Variants in IFNW1 observed in about 807,000 individuals in gnomAD.
IFNW1 encodes interferon omega 1, also known as interferon omega-1.
For synonymous variants in IFNW1, 105 were observed against 88.0 expected, an observed-to-expected ratio of 1.19 and a Z score of -1.08; for missense variants, 293 against 227.7, an observed-to-expected ratio of 1.29 and a Z score of -1.84.
At position 21,141,608 on chromosome 9, in the gene IFNW1, A is replaced by G. The variant is rs766038866; in HGVS notation, c.-38T>C. Reference sequence around the variant, plus strand: ...ATGCTCCTGGCTTTACTGAGCTGGGATATGGCTTAACCTTGGACCCTAGGT... The same window carrying G: ...ATGCTCCTGGCTTTACTGAGCTGGGGTATGGCTTAACCTTGGACCCTAGGT... On this transcript the variant is annotated 5_prime_UTR_variant, in exon 1 of 1. Transcript: ENST00000380229. 3 of 1,431,770 alleles carry G rather than the reference A, an allele frequency of 2.1e-6. No individual in the cohort carries two copies. The African/African-American group carries it at 4.3e-5, about 20-fold the overall frequency. The allele number at this position is 1,431,770 out of a possible 1,614,324, so 88.7% of individuals were successfully genotyped here.
Position 21,140,904 on chromosome 9 carries a change from A to T in IFNW1, c.*79T>A, listed in dbSNP as rs370302934. ...CTAATTCAGTCAATTCTGTGATTAA[A>T]GCCGAAATAAGAGTCTTTTGAATTG... On this transcript the variant is annotated 3_prime_UTR_variant, in exon 1 of 1. Transcript: ENST00000380229. The T allele has an allele frequency of 7.0e-6, 7 of 995,544 alleles. No homozygotes were observed. The highest frequency in any genetic ancestry group is 1.6e-5 in the African/African-American group (1 of 61,666). 61.7% of individuals were successfully genotyped at this position (995,544 alleles called of 1,614,324 possible). A position where few individuals can be genotyped will look rare whatever the true frequency, so the allele number is the denominator to read the frequency against.
rs370216760 is a variant in IFNW1 at position 21,141,185 on chromosome 9, T to C, written c.386A>G (p.Glu129Gly). The change falls in exon 1 of 1, where the codon GAA (glutamate) becomes GGA (glycine). Residue 129 changes from glutamate (E) to glycine (G), a missense_variant. Glu to Gly is a moderately conservative substitution (Grantham distance 98). Coordinates refer to ENST00000380229, the MANE Select transcript of IFNW1 (RefSeq NM_002177.3). Reference protein sequence around the residue: ...LETCLLQVVGEGESAGAISSP... With the variant: ...LETCLLQVVGGGESAGAISSP... ...GCTAATTGCCCCAGCAGATTCTCCT[T>C]CTCCCACTACCTGCAGCAAGCAGGT... 1.5e-5 allele frequency: 25 copies of C among 1,614,056 alleles called. No individual in the cohort carries two copies. The highest frequency in any genetic ancestry group is 3.3e-4 in the Middle Eastern group (2 of 6,084).
rs1224580442 is a variant in IFNW1, at chr9:21,141,063, C to T, written c.508G>A (p.Glu170Lys). The T allele has an allele frequency of 3.7e-6, 6 of 1,614,072 alleles. No homozygotes were observed. Among genetic ancestry groups the T allele is most frequent in the Non-Finnish European group, 5.1e-6 (6 of 1,180,026 alleles). Residue 170 changes from glutamate to lysine, a missense_variant, in exon 1 of 1, where the codon GAA becomes AAA. Coordinates refer to ENST00000380229, the MANE Select transcript of IFNW1 (RefSeq NM_002177.3). ...GATAAGAACAAGGATTTCATGATTT[C>T]CATTCTGACAACTTCCCAGGCACAG... The part of the protein sequence containing the change: ...SDCAWEVVRM[E>K]IMKSLFLSTN...
Position 21,141,583 on chromosome 9 carries a change from A to G in IFNW1, c.-13T>C, listed in dbSNP as rs1284389424. 1.9e-6 allele frequency: 3 copies of G among 1,544,122 alleles called. No homozygotes were observed. The highest frequency in any genetic ancestry group is 2.6e-6 in the Non-Finnish European group (3 of 1,142,110). On this transcript the variant is annotated 5_prime_UTR_variant, in exon 1 of 1. Transcript: ENST00000380229. ...ACAGGAGGGCCATTGGGAAATGAGG[A>G]TGCTCCTGGCTTTACTGAGCTGGGA...
chr9:21,140,856 A>G lies in IFNW1; in HGVS notation c.*127T>C. The G allele has an allele frequency of 1.5e-6, 1 of 664,986 alleles. No individual in the cohort carries two copies. Among genetic ancestry groups the G allele is most frequent in the Non-Finnish European group, 2.6e-6 (1 of 390,338 alleles). The allele number at this position is 664,986 out of a possible 1,614,324, so 41.2% of individuals were successfully genotyped here. On this transcript the variant is annotated 3_prime_UTR_variant, in exon 1 of 1. Transcript: ENST00000380229. ...TCTTTTTAACATATACTGGCTTAAT[A>G]TACCGACAAAGTATTTGCAGAACTA... is the stretch of plus-strand genomic sequence containing the variant.
rs1344429900 is a variant in IFNW1 at position 21,140,716 on chromosome 9, A to T, written c.*267T>A. On this transcript the variant is annotated 3_prime_UTR_variant, in exon 1 of 1. Transcript: ENST00000380229. Reference sequence around the variant, plus strand: ...ATGTTTTGTTATCTTAATACAATGTAAAGGCAAACATTTGTTATATAAGAA... The same window carrying T: ...ATGTTTTGTTATCTTAATACAATGTTAAGGCAAACATTTGTTATATAAGAA... 8.8e-6 allele frequency: 2 copies of T among 226,016 alleles called. No individual in the cohort carries two copies. The highest frequency in any genetic ancestry group is 1.7e-5 in the Non-Finnish European group (2 of 118,094). 14.0% of individuals were successfully genotyped at this position (226,016 alleles called of 1,614,324 possible).
At position 21,141,137 on chromosome 9, in the gene IFNW1, C is replaced by T. The variant is rs1819392098; in HGVS notation, c.434G>A (p.Arg145Lys). ...GTAGACACGGATTCCCTGGAAGTAC[C>T]TCCTCAAGGTCAGTGCAGGGCTGCT... ...AISSPALTLR[R>K]YFQGIRVYLK... The change falls in exon 1 of 1, where the codon AGG (arginine) becomes AAG (lysine). Residue 145 changes from arginine (R) to lysine (K), a missense_variant. By Grantham distance (26) the Arg-to-Lys change is conservative (BLOSUM62 2). Transcript: ENST00000380229. 2 of 1,614,056 alleles carry T rather than the reference C, an allele frequency of 1.2e-6. No homozygotes were observed. The highest frequency in any genetic ancestry group is 2.7e-5 in the African/African-American group (2 of 74,924).
At position 21,140,977 on chromosome 9, in the gene IFNW1, A is replaced by T; in HGVS notation, c.*6T>A. 1 of 1,584,898 alleles carries T rather than the reference A, an allele frequency of 6.3e-7. No individual in the cohort carries two copies. The highest frequency in any genetic ancestry group is 8.6e-7 in the Non-Finnish European group (1 of 1,159,566). On this transcript the variant is annotated 3_prime_UTR_variant, in exon 1 of 1. Coordinates refer to ENST00000380229, the MANE Select transcript of IFNW1 (RefSeq NM_002177.3). ...TTATATGGCAAATTAATCAATGAGA[A>T]TCATTTCAAGATGAGCCCAGGTCTC...
Position 21,141,590 on chromosome 9 carries a change from T to C in IFNW1, c.-20A>G, listed in dbSNP as rs1819402468. 1.3e-6 allele frequency: 2 copies of C among 1,511,208 alleles called. No individual in the cohort carries two copies. The highest frequency in any genetic ancestry group is 1.8e-6 in the Non-Finnish European group (2 of 1,117,258). The allele number at this position is 1,511,208 out of a possible 1,614,324, so 93.6% of individuals were successfully genotyped here. A position where few individuals can be genotyped will look rare whatever the true frequency, so the allele number is the denominator to read the frequency against. Reference sequence around the variant, plus strand: ...GGCCATTGGGAAATGAGGATGCTCCTGGCTTTACTGAGCTGGGATATGGCT... The same window carrying C: ...GGCCATTGGGAAATGAGGATGCTCCCGGCTTTACTGAGCTGGGATATGGCT... On this transcript the variant is annotated 5_prime_UTR_variant, in exon 1 of 1. Transcript: ENST00000380229.
chr9:21,141,828 C>A lies in IFNW1; in HGVS notation c.-258G>T. On this transcript the variant is annotated 5_prime_UTR_variant, in exon 1 of 1. Transcript: ENST00000380229. ...AAACTCCAGTAAACTTCAGCTGTGT[C>A]AATACAAATGAATGCTTAATCAAAT... 25 of 260,692 alleles carry A rather than the reference C, an allele frequency of 9.6e-5. No individual in the cohort carries two copies. The highest frequency in any genetic ancestry group is 1.3e-3 in the Middle Eastern group (1 of 784). The allele number at this position is 260,692 out of a possible 1,614,324, so 16.1% of individuals were successfully genotyped here.
At chr9:21,141,523 A>C in the IFNW1 span, 1 of 1,610,214 alleles carries the variant, frequency 6.2e-7, no homozygotes, top group Non-Finnish European at 8.5e-7. Context: ...CAACAGGGCT[A>C]TAGCTGGTCA....
rs1819402051 is a variant in IFNW1, at chr9:21,141,578, T to C, written c.-8A>G. ...AGGGAACAGGAGGGCCATTGGGAAA[T>C]GAGGATGCTCCTGGCTTTACTGAGC... is the stretch of plus-strand genomic sequence containing the variant. On this transcript the variant is annotated 5_prime_UTR_variant, in exon 1 of 1. Transcript: ENST00000380229. The C allele has an allele frequency of 6.4e-7, 1 of 1,551,634 alleles. No homozygotes were observed. The highest frequency in any genetic ancestry group is 1.2e-5 in the South Asian group (1 of 81,334).
At chr9:21,141,048 AG>A in the IFNW1 span, 1 of 1,614,224 alleles carries the variant, frequency 6.2e-7, no homozygotes, top group Non-Finnish European at 8.5e-7. Context: ...GATAAGAACA[AG>A]GATTTCATGA....
rs1329969709 is a variant in IFNW1 at position 21,141,669 on chromosome 9, T to C, written c.-99A>G. On this transcript the variant is annotated 5_prime_UTR_variant, in exon 1 of 1. Transcript: ENST00000380229. ...CATTGCTTGTATGCATGGCTTTTAATAGGAAACACATGGTTTTCATTTTCT... is the reference window on the plus strand; with the variant it reads ...CATTGCTTGTATGCATGGCTTTTAACAGGAAACACATGGTTTTCATTTTCT... The C allele has an allele frequency of 6.2e-5, 43 of 692,878 alleles. No homozygotes were observed. The South Asian group carries it at 9.1e-4, about 15-fold the overall frequency. The allele number at this position is 692,878 out of a possible 1,614,324, so 42.9% of individuals were successfully genotyped here.
rs753421379 is a variant in IFNW1 at position 21,140,777 on chromosome 9, A to C, written c.*206T>G. Reference sequence around the variant, plus strand: ...ATAAATATGATAAAATGTAAGAATAAATAAATGAGTAAAAATAAATAACAT... The same window carrying C: ...ATAAATATGATAAAATGTAAGAATACATAAATGAGTAAAAATAAATAACAT... On this transcript the variant is annotated 3_prime_UTR_variant, in exon 1 of 1. Coordinates refer to ENST00000380229, the MANE Select transcript of IFNW1 (RefSeq NM_002177.3). The C allele has an allele frequency of 4.7e-6, 2 of 424,908 alleles. No individual in the cohort carries two copies. Among genetic ancestry groups the C allele is most frequent in the Non-Finnish European group, 8.3e-6 (2 of 240,990 alleles). The allele number at this position is 424,908 out of a possible 1,614,324, so 26.3% of individuals were successfully genotyped here. A position where few individuals can be genotyped will look rare whatever the true frequency, so the allele number is the denominator to read the frequency against.
rs1819386490 is a variant in IFNW1 at position 21,140,817 on chromosome 9, C to T, written c.*166G>A. The T allele has an allele frequency of 1.9e-6, 1 of 536,162 alleles. No individual in the cohort carries two copies. The highest frequency in any genetic ancestry group is 3.3e-6 in the Non-Finnish European group (1 of 304,306). 33.2% of individuals were successfully genotyped at this position (536,162 alleles called of 1,614,324 possible). Reference sequence around the variant, plus strand: ...ATAAATAACATCTTAGGGACTGATGCCCCTGAACCTAAGTCTTTTTAACAT... The same window carrying T: ...ATAAATAACATCTTAGGGACTGATGTCCCTGAACCTAAGTCTTTTTAACAT... On this transcript the variant is annotated 3_prime_UTR_variant, in exon 1 of 1. Transcript: ENST00000380229.
In IFNW1 at chr9:21,141,512, C is replaced by A; in HGVS notation, c.59G>T (p.Gly20Val). The change falls in exon 1 of 1, where the codon GGA (glycine) becomes GTA (valine). Residue 20 changes from glycine to valine, a missense_variant. Coordinates refer to ENST00000380229, the MANE Select transcript of IFNW1 (RefSeq NM_002177.3). ...CTGAGGCAGATCACAGCCCAGAGAT[C>A]CAACAGGGCTATAGCTGGTCATCAC... ...ALVMTSYSPV[G>V]SLGCDLPQNH... The A allele has an allele frequency of 6.2e-7, 1 of 1,612,696 alleles. No homozygotes were observed. Among genetic ancestry groups the A allele is most frequent in the Non-Finnish European group, 8.5e-7 (1 of 1,179,290 alleles).
chr9:21,141,210 T>C lies in IFNW1; in HGVS notation c.361A>G (p.Thr121Ala), dbSNP rs1202585234. The C allele has an allele frequency of 1.2e-6, 2 of 1,614,072 alleles. No homozygotes were observed. The highest frequency in any genetic ancestry group is 2.2e-5 in the South Asian group (2 of 91,074). ...GLHQQLQHLE[T>A]CLLQVVGEGE... ...TCTCCCACTACCTGCAGCAAGCAGG[T>C]CTCCAGGTGTTGCAGTTGCTGATGA... Residue 121 changes from threonine to alanine, a missense_variant, in exon 1 of 1, where the codon ACC becomes GCC. Coordinates refer to ENST00000380229, the MANE Select transcript of IFNW1 (RefSeq NM_002177.3).
In IFNW1 at chr9:21,141,041, A is replaced by G; in HGVS notation, c.530T>C (p.Leu177Ser). 6.2e-7 allele frequency: 1 copy of G among 1,614,152 alleles called. No individual in the cohort carries two copies. Among genetic ancestry groups the G allele is most frequent in the Non-Finnish European group, 8.5e-7 (1 of 1,179,986 alleles). Residue 177 changes from leucine to serine, a missense_variant, in exon 1 of 1, where the codon TTA becomes TCA. Coordinates refer to ENST00000380229, the MANE Select transcript of IFNW1 (RefSeq NM_002177.3). ...VRMEIMKSLF[L>S]STNMQERLRS... ...CAGTCTTTCTTGCATGTTTGTTGAT[A>G]AGAACAAGGATTTCATGATTTCCAT...
Sources: gnomAD v4.1 joint callset for allele counts on GRCh38, gnomAD v4.1.1 for gene constraint, MANE v1.5 for transcripts, NCBI Gene and HGNC (gene_info 2026-07-23, HGNC 2026-07-21) for gene names.